The following SSBP2 variants were observed in gnomAD, a reference collection of about 807,000 sequenced individuals.
SSBP2 encodes single stranded DNA binding protein 2.
A neutral mutation model predicts 61.8 loss-of-function variants in SSBP2; 17 were observed. That is an observed-to-expected ratio of 0.28 (90% CI 0.19 to 0.41). The LOEUF (loss-of-function observed/expected upper bound fraction) is 0.41, where lower values mean the gene tolerates loss of function less well. Among genes scored for constraint, SSBP2 ranks in the 10% least tolerant of loss-of-function variants. The pLI, the probability that SSBP2 is intolerant of heterozygous loss-of-function variation, is 1.00. For missense variants in SSBP2, 310 were observed against 458.7 expected, an observed-to-expected ratio of 0.68 and a Z score of 2.96; for synonymous variants, 139 against 141.3, an observed-to-expected ratio of 0.98 and a Z score of 0.12.
chr5:81,667,703 G>A (rs1425137727), intron 1 of SSBP2, among the ~76,000 whole-genome samples: 1 of 152,128 alleles, frequency 6.6e-6, no homozygotes, highest in East Asian at 1.9e-4. Context: ...TTTTAAGTGG[G>A]TGAAAGACTT....
At chr5:81,544,960 G>A (rs1771613664) in intron 4 of SSBP2, among the ~76,000 whole-genome samples, 1 of 152,152 alleles carries the variant, frequency 6.6e-6, no homozygotes, top group South Asian at 2.1e-4. Context: ...ACTGAATATA[G>A]AGGAGGATAA....
At chr5:81,584,153 T>A (rs950385253) in intron 4 of SSBP2, among the ~76,000 whole-genome samples, 8 of 152,162 alleles carry the variant, frequency 5.3e-5, no homozygotes, top group Non-Finnish European at 5.9e-5. Context: ...AGGTTTTTTT[T>A]ATAGTGATCT....
chr5:81,687,823 C>T (rs1752929914), intron 1 of SSBP2, among the ~76,000 whole-genome samples: 2 of 152,136 alleles, frequency 1.3e-5, no homozygotes, highest in South Asian at 4.1e-4. Flanking sequence ...GACTAAAGAG[C>T]CCTTGGGGCC....
intron 1 of SSBP2, among the ~76,000 whole-genome samples, chr5:81,698,296 G>A (rs184326292): frequency 2.0e-5 from 3 of 152,108 alleles, no homozygotes; most frequent in African/African-American, 7.2e-5. Flanking sequence ...GATGCTATGT[G>A]TACTACAAGG....
intron 14 of SSBP2, among the ~76,000 whole-genome samples, chr5:81,440,200 A>G (rs1311284120): frequency 1.4e-5 from 2 of 145,136 alleles, no homozygotes; most frequent in East Asian, 3.9e-4. Flanking sequence ...CAAAACAACA[A>G]CAACAACAAT....
chr5:81,417,345 G>A lies in SSBP2; in HGVS notation c.*3159C>T, dbSNP rs1561368872. On this transcript the variant is annotated 3_prime_UTR_variant, in exon 17 of 17. Coordinates refer to ENST00000320672, the MANE Select transcript of SSBP2 (RefSeq NM_012446.5). ...GGGCAACTTTGCTGTAAGACACGTA[G>A]TTAAGAATCATACATACCCTCAGAA... 6.6e-6 allele frequency: 1 copy of A among 152,200 alleles called. No individual in the cohort carries two copies. The highest frequency in any genetic ancestry group is 1.5e-5 in the Non-Finnish European group (1 of 68,042). 9.4% of individuals were successfully genotyped at this position (152,200 alleles called of 1,614,324 possible).
chr5:81,712,657 G>A (rs1388359718), intron 1 of SSBP2, among the ~76,000 whole-genome samples: 1 of 151,462 alleles, frequency 6.6e-6, no homozygotes, highest in Non-Finnish European at 1.5e-5. Flanking sequence ...AAGGATGGTA[G>A]GTTGAACTTA....
chr5:81,630,088 C>T (rs1438072958), intron 3 of SSBP2, among the ~76,000 whole-genome samples: 2 of 152,114 alleles, frequency 1.3e-5, no homozygotes, highest in Admixed American at 6.6e-5. Context: ...GAGAAGAAGT[C>T]ATAAAATTAA....
chr5:81,627,162 C>T (rs1747253774), intron 3 of SSBP2, among the ~76,000 whole-genome samples: 1 of 152,068 alleles, frequency 6.6e-6, no homozygotes, highest in Non-Finnish European at 1.5e-5. Context: ...CTTTTGAGTC[C>T]TTTACATTTA....
chr5:81,517,526 G>A (rs1314096732), intron 4 of SSBP2, among the ~76,000 whole-genome samples: 1 of 151,648 alleles, frequency 6.6e-6, no homozygotes, highest in African/African-American at 2.4e-5. Context: ...GTTTTCTCAA[G>A]GAAATATTAA....
intron 4 of SSBP2, among the ~76,000 whole-genome samples, chr5:81,591,115 C>T (rs556677043): frequency 3.2e-4 from 49 of 152,222 alleles, no homozygotes; most frequent in Non-Finnish European, 5.4e-4. Context: ...ATCAAGAAGC[C>T]GGAGTTGAAG....
chr5:81,689,592 A>C (rs1753060845), intron 1 of SSBP2, among the ~76,000 whole-genome samples: 1 of 152,060 alleles, frequency 6.6e-6, no homozygotes, highest in South Asian at 2.1e-4. Flanking sequence ...AAACTTCTAG[A>C]ATAATATATC....
At chr5:81,700,229 G>A (rs1251342017) in intron 1 of SSBP2, among the ~76,000 whole-genome samples, 1 of 152,134 alleles carries the variant, frequency 6.6e-6, no homozygotes. Context: ...GTATTAGTAG[G>A]CAGGGAAACA....
intron 1 of SSBP2, among the ~76,000 whole-genome samples, chr5:81,703,979 G>A (rs1754182695): frequency 6.6e-6 from 1 of 152,136 alleles, no homozygotes; most frequent in African/African-American, 2.4e-5. Context: ...GAGCTTTACT[G>A]CTGCTTTAGT....
chr5:81,748,907 A>C (rs1423440446), intron 1 of SSBP2, among the ~76,000 whole-genome samples: 1 of 152,186 alleles, frequency 6.6e-6, no homozygotes, highest in Non-Finnish European at 1.5e-5. Context: ...ACTAAAAAAA[A>C]AAATCAAGCA....
intron 12 of SSBP2, among the ~76,000 whole-genome samples, chr5:81,443,565 T>A (rs1462193295): frequency 6.6e-6 from 1 of 152,126 alleles, no homozygotes; most frequent in Non-Finnish European, 1.5e-5. Flanking sequence ...GCCTCTTTTG[T>A]TTTATTTTGT....
chr5:81,743,719 C>T (rs1757176959), intron 1 of SSBP2, among the ~76,000 whole-genome samples: 2 of 152,146 alleles, frequency 1.3e-5, no homozygotes, highest in African/African-American at 4.8e-5. Flanking sequence ...TCCTAAGCAA[C>T]TTCAATAAAA....
intron 2 of SSBP2, among the ~76,000 whole-genome samples, chr5:81,643,595 C>CTTTTTTTTTTTTTTTTTTTTTTTTT (rs368511957): frequency 3.3e-5 from 2 of 60,272 alleles, no homozygotes; most frequent in Non-Finnish European, 3.0e-5. Flanking sequence ...TTTTTCCTTT[C>CTTTTTTTTTTTTTTTTTTTTTTTTT]TTTTTTTTTT....
chr5:81,451,708 G>A (rs1258521965), intron 10 of SSBP2, among the ~76,000 whole-genome samples: 2 of 152,244 alleles, frequency 1.3e-5, no homozygotes, highest in African/African-American at 4.8e-5. Flanking sequence ...ATTTACAGGC[G>A]TGAGCCACTG....
Sources: gnomAD v4.1 joint callset for allele counts (sites outside exome capture counted in the v4.1 genomes callset) on GRCh38, gnomAD v4.1.1 for gene constraint, MANE v1.5 for transcripts, NCBI Gene and HGNC (gene_info 2026-07-23, HGNC 2026-07-21) for gene names.